Variants in MAP4 observed in about 807,000 individuals in gnomAD.
MAP4 encodes the protein microtubule-associated protein 4.
In MAP4, 76 loss-of-function variants were observed where a neutral mutation model predicts 170.2. That is an observed-to-expected ratio of 0.45 (90% confidence interval 0.37 to 0.54). The LOEUF (loss-of-function observed/expected upper bound fraction) is 0.54, where lower values mean the gene tolerates loss of function less well. MAP4 is among the 20% of genes least tolerant of loss of function. MAP4 has a pLI of 0.00. For missense variants in MAP4, 2,506 were observed against 2,748.0 expected (o/e 0.91, Z 1.97); for synonymous variants, 909 against 994.5 (o/e 0.91, Z 1.62).
intron 17 of MAP4, among the ~76,000 whole-genome samples, chr3:47,864,846 G>A (rs1317752838): frequency 1.3e-5 from 2 of 152,138 alleles, no homozygotes; most frequent in Non-Finnish European, 2.9e-5. Context: ...CAGGCTGGGC[G>A]ACAGAGCAAG....
At chr3:48,060,447 T>C (rs1311578097) in intron 1 of MAP4, among the ~76,000 whole-genome samples, 1 of 151,990 alleles carries the variant, frequency 6.6e-6, no homozygotes, top group East Asian at 1.9e-4. Context: ...GGTTTGGCAA[T>C]GACTTCTTAG....
At chr3:48,012,773 T>C (rs181393938) in intron 1 of MAP4, among the ~76,000 whole-genome samples, 45 of 152,150 alleles carry the variant, frequency 3.0e-4, no homozygotes, top group African/African-American at 1.1e-3. Flanking sequence ...AATTATACAA[T>C]TGGAAAGTGG....
intron 3 of MAP4, chr3:47,931,796 C>T (rs1430352634): frequency 1.3e-5 from 2 of 151,954 alleles, no homozygotes; most frequent in Non-Finnish European, 2.9e-5. Context: ...TGCCTGGCTC[C>T]ATCTGTATTT....
intron 3 of MAP4, among the ~76,000 whole-genome samples, chr3:47,930,072 G>A (rs1192648769): frequency 5.3e-5 from 8 of 152,198 alleles, no homozygotes; most frequent in Non-Finnish European, 1.0e-4. Flanking sequence ...GAAGGTTGCA[G>A]TGAGCTGACA....
Position 47,853,075 on chromosome 3 carries a change from C to T in MAP4, c.6886+88G>A, listed in dbSNP as rs776098747. 19 of 1,614,054 alleles carry T rather than the reference C, an allele frequency of 1.2e-5. No individual in the cohort carries two copies. The African/African-American group carries it at 2.4e-4, about 20-fold the overall frequency. On this transcript the variant is annotated intron_variant, in intron 20 of 20. Coordinates refer to ENST00000683076, the MANE Select transcript of MAP4 (RefSeq NM_001385682.1). Reference sequence around the variant, plus strand: ...AAAGGTTACTTCATTAAAATTTAGGCCACACTCTAGTCAAAAACAAAGGAG... The same window carrying T: ...AAAGGTTACTTCATTAAAATTTAGGTCACACTCTAGTCAAAAACAAAGGAG...
At chr3:47,936,987 A>G (rs2100053339) in intron 3 of MAP4, among the ~76,000 whole-genome samples, 1 of 151,648 alleles carries the variant, frequency 6.6e-6, no homozygotes, top group Non-Finnish European at 1.5e-5. Flanking sequence ...TCTCAAAAAA[A>G]AAAAAAAAAA....
At chr3:47,881,895 C>G (rs1313864467) in intron 10 of MAP4, among the ~76,000 whole-genome samples, 1 of 152,168 alleles carries the variant, frequency 6.6e-6, no homozygotes, top group Admixed American at 6.5e-5. Flanking sequence ...GCCGCTGTAC[C>G]TGGCCTACTT....
At chr3:48,053,676 G>A (rs901513669) in intron 1 of MAP4, among the ~76,000 whole-genome samples, 7 of 152,066 alleles carry the variant, frequency 4.6e-5, no homozygotes, top group Non-Finnish European at 1.0e-4. Flanking sequence ...GAAAATGTAC[G>A]TCGTTTATTT....
rs554532025 is a variant in MAP4 at position 47,887,821 on chromosome 3, T to C, written c.5435-10298A>G. The stretch of plus-strand genomic sequence containing the variant: ...CTGGTGGGGCCTTGGAAAACCTTTA[T>C]GTCTAGCTCAGGGATTGTAAATACA... On this transcript the variant is annotated intron_variant, in intron 10 of 20. Transcript: ENST00000683076. Among the ~76,000 whole-genome samples, 8 of 148,632 alleles carry C rather than the reference T, an allele frequency of 5.4e-5. 1 individual carries two copies. The South Asian group carries it at 1.7e-3, about 32-fold the overall frequency.
chr3:47,880,806 C>G (rs1246726236), intron 10 of MAP4, among the ~76,000 whole-genome samples: 1 of 152,098 alleles, frequency 6.6e-6, no homozygotes, highest in Non-Finnish European at 1.5e-5. Context: ...TTTTATGACC[C>G]AAGATCCATC....
rs1174403214 is a variant in MAP4, at chr3:47,863,576, C to G, written c.6501+3670G>C. On this transcript the variant is annotated intron_variant, in intron 17 of 20. Coordinates refer to ENST00000683076, the MANE Select transcript of MAP4 (RefSeq NM_001385682.1). ...ACACCTTGCTCTGCTTGTGCTTACA[C>G]AGGCTGCCTGCCGCTCTATGAGAGC... Among the ~76,000 whole-genome samples, 3 of 152,100 alleles carry G rather than the reference C, an allele frequency of 2.0e-5. No individual in the cohort carries two copies. In the East Asian group the frequency reaches 5.8e-4, roughly 29 times the overall value.
intron 1 of MAP4, among the ~76,000 whole-genome samples, chr3:48,061,825 TC>T (rs2100135643): frequency 7.2e-6 from 1 of 138,176 alleles, no homozygotes; most frequent in Non-Finnish European, 1.6e-5. Flanking sequence ...AGCCGCCCCA[TC>T]CGGGAGGGAG....
intron 2 of MAP4, among the ~76,000 whole-genome samples, chr3:47,996,997 C>G (rs1238495865): frequency 6.6e-6 from 1 of 151,874 alleles, no homozygotes; most frequent in Non-Finnish European, 1.5e-5. Flanking sequence ...GAAAGCTCAT[C>G]ATTAGATTCA....
At chr3:47,980,549 GA>G (rs1368929890) in intron 2 of MAP4, among the ~76,000 whole-genome samples, 1 of 152,010 alleles carries the variant, frequency 6.6e-6, no homozygotes, top group Non-Finnish European at 1.5e-5. Context: ...TACTTAAGAG[GA>G]ACAGCCAAAG....
intron 1 of MAP4, among the ~76,000 whole-genome samples, chr3:48,065,347 G>C (rs1287658316): frequency 6.6e-6 from 1 of 152,070 alleles, no homozygotes; most frequent in Admixed American, 6.6e-5. Flanking sequence ...GCAAAATCTT[G>C]GGTCCCACAC....
At chr3:48,088,554 T>G in intron 1 of MAP4, among the ~76,000 whole-genome samples, 2 of 81,810 alleles carry the variant, frequency 2.4e-5, no homozygotes, top group East Asian at 3.4e-4. Context: ...AAGACCCCCC[T>G]AGATCGCGCC....
rs991749390 is a variant in MAP4, at chr3:47,910,735, G to A, written c.3686C>T (p.Pro1229Leu). The A allele has an allele frequency of 3.9e-6, 6 of 1,535,964 alleles. No individual in the cohort carries two copies. Among genetic ancestry groups the A allele is most frequent in the African/African-American group, 2.7e-5 (2 of 73,020 alleles). ...KKFKNNYSTQ[P>L]ARMERKEEIL... The stretch of plus-strand genomic sequence containing the variant: ...TTCTTCCTTCCTCTCCATTCTAGCA[G>A]GCTGTGTGGAATAATTATTTTTAAA... Residue 1229 changes from proline to leucine, a missense_variant, in exon 9 of 21, where the codon CCT becomes CTT. By Grantham distance (98) the Pro-to-Leu change is moderately conservative. This residue lies in a region of MAP4 where 2,008 missense variants were observed against 2,206.0 expected (regional missense o/e 0.91). Transcript: ENST00000683076.
At chr3:47,886,563 A>T (rs527971085) in intron 10 of MAP4, among the ~76,000 whole-genome samples, 6 of 152,286 alleles carry the variant, frequency 3.9e-5, no homozygotes, top group African/African-American at 1.4e-4. Context: ...AAGGCCTCCC[A>T]AAGTGCTGAG....
chr3:48,087,729 GCACA>G (rs889528420), intron 1 of MAP4, among the ~76,000 whole-genome samples: 5 of 117,852 alleles, frequency 4.2e-5, no homozygotes, highest in East Asian at 2.7e-4. Flanking sequence ...ACACGCACGC[GCACA>G]CACACGCACG....
Sources: gnomAD v4.1 joint callset for allele counts (sites outside exome capture counted in the v4.1 genomes callset) on GRCh38, gnomAD v4.1.1 for gene constraint, gnomAD v4.1.1 regional missense constraint, MANE v1.5 for transcripts, NCBI Gene and HGNC (gene_info 2026-07-23, HGNC 2026-07-21) for gene names.